The following EPHB1 variants were observed in gnomAD, a reference collection of about 807,000 sequenced individuals.
The protein encoded by EPHB1 is EPH receptor B1.
Under a neutral mutation model 94.4 loss-of-function variants are expected in EPHB1, and 30 were observed. The ratio of observed to expected loss-of-function variants is 0.32; its 90% CI spans 0.24 to 0.43. EPHB1 has a LOEUF of 0.43. Ranked by LOEUF, EPHB1 falls within the 20% of genes least tolerant of loss-of-function variation. The pLI, the probability that EPHB1 is intolerant of heterozygous loss-of-function variation, is 1.00. For missense variants in EPHB1, 1,055 were observed against 1,308.3 expected (o/e 0.81, Z 2.99); for synonymous variants, 522 against 489.1 (o/e 1.07, Z -0.89).
intron 3 of EPHB1, among the ~76,000 whole-genome samples, chr3:135,061,598 CT>C (rs199848672): frequency 0.038 from 5,666 of 148,546 alleles, 158 homozygotes; most frequent in East Asian, 0.14. Context: ...AGCACAGTTT[CT>C]TTTTTTTTTA....
rs528281341 is a variant in EPHB1 at position 134,838,282 on chromosome 3, T to C, written c.58+42593T>C. Reference sequence around the variant, plus strand: ...GGGGGCCCTAAGAGATAATTTAATCTGTCATCCTCTTCTGCAGGAGTAGAA... The same window carrying C: ...GGGGGCCCTAAGAGATAATTTAATCCGTCATCCTCTTCTGCAGGAGTAGAA... On this transcript the variant is annotated intron_variant, in intron 1 of 15. Coordinates refer to ENST00000398015, the MANE Select transcript of EPHB1 (RefSeq NM_004441.5). Among the ~76,000 whole-genome samples the C allele has an allele frequency of 4.6e-5, 7 of 152,330 alleles. No individual in the cohort carries two copies. The East Asian group carries it at 7.7e-4, about 17-fold the overall frequency.
At chr3:134,948,138 G>A (rs183724503) in intron 2 of EPHB1, among the ~76,000 whole-genome samples, 2 of 152,086 alleles carry the variant, frequency 1.3e-5, no homozygotes, top group South Asian at 2.1e-4. Context: ...CTGTCTCAGT[G>A]CTAAGGTGAA....
intron 4 of EPHB1, among the ~76,000 whole-genome samples, chr3:135,128,128 C>T (rs1055907051): frequency 6.6e-6 from 1 of 152,216 alleles, no homozygotes; most frequent in Non-Finnish European, 1.5e-5. Flanking sequence ...GGGGAGACCA[C>T]GGTGCTGAGC....
At position 135,120,373 on chromosome 3, in the gene EPHB1, ATATTT is replaced by A. The variant is rs200297378; in HGVS notation, c.962-12339_962-12335del. On this transcript the variant is annotated intron_variant, in intron 4 of 15. Coordinates refer to ENST00000398015, the MANE Select transcript of EPHB1 (RefSeq NM_004441.5). Reference sequence around the variant, plus strand: ...TATTGTGAATAAATAATTTTTTATTATATTTTCAAACAGGTTATGATTATTAACAG... The same window carrying A: ...TATTGTGAATAAATAATTTTTTATTATCAAACAGGTTATGATTATTAACAG... 7.8e-3 allele frequency among the ~76,000 whole-genome samples: 1,185 copies of A among 152,320 alleles called. 14 individuals carry two copies. The highest frequency in any genetic ancestry group is 0.027 in the African/African-American group (1,105 of 41,576).
At chr3:135,215,372 A>T (rs971283010) in intron 12 of EPHB1, among the ~76,000 whole-genome samples, 3 of 152,044 alleles carry the variant, frequency 2.0e-5, no homozygotes, top group Non-Finnish European at 4.4e-5. Context: ...CATGTTGGTC[A>T]GGCTGGTCTC....
intron 3 of EPHB1, among the ~76,000 whole-genome samples, chr3:134,978,654 G>A (rs1281182318): frequency 6.6e-6 from 1 of 152,218 alleles, no homozygotes; most frequent in African/African-American, 2.4e-5. Context: ...CCTGTCTGTA[G>A]TAGGCCTTGC....
At chr3:135,234,919 A>T (rs1439394609) in intron 12 of EPHB1, among the ~76,000 whole-genome samples, 1 of 152,204 alleles carries the variant, frequency 6.6e-6, no homozygotes, top group East Asian at 1.9e-4. Context: ...TTGGGTAGTA[A>T]CACAGCCAAA....
chr3:135,178,302 A>T (rs112406832), intron 9 of EPHB1, among the ~76,000 whole-genome samples: 6,330 of 151,730 alleles, frequency 0.042, 183 homozygotes, highest in South Asian at 0.08. Context: ...CTGGAAATAC[A>T]AAAATTAGCT....
chr3:134,982,572 G>A (rs776258045), intron 3 of EPHB1, among the ~76,000 whole-genome samples: 4 of 152,120 alleles, frequency 2.6e-5, no homozygotes, highest in African/African-American at 4.8e-5. Flanking sequence ...GCCTCAGCAC[G>A]TCTCATTACG....
At chr3:134,925,014 G>A (rs2038761593) in intron 1 of EPHB1, among the ~76,000 whole-genome samples, 2 of 152,200 alleles carry the variant, frequency 1.3e-5, no homozygotes, top group Admixed American at 1.3e-4. Context: ...TTTCACTGGT[G>A]TACATATATA....
At chr3:135,113,579 G>T (rs927950837) in intron 4 of EPHB1, among the ~76,000 whole-genome samples, 2 of 152,092 alleles carry the variant, frequency 1.3e-5, no homozygotes, top group Non-Finnish European at 2.9e-5. Context: ...ATGACAGCTC[G>T]TGTCTTGTGC....
At chr3:134,999,707 G>C (rs1245542030) in intron 3 of EPHB1, among the ~76,000 whole-genome samples, 1 of 152,188 alleles carries the variant, frequency 6.6e-6, no homozygotes, top group Non-Finnish European at 1.5e-5. Context: ...GCAGCTCCCA[G>C]GCCCAGGCTA....
intron 12 of EPHB1, among the ~76,000 whole-genome samples, chr3:135,208,920 G>C (rs1306708995): frequency 6.6e-6 from 1 of 152,148 alleles, no homozygotes; most frequent in Non-Finnish European, 1.5e-5. Flanking sequence ...CCTGGAGAGG[G>C]AAAATGTGAG....
intron 1 of EPHB1, among the ~76,000 whole-genome samples, chr3:134,864,210 T>G (rs755212161): frequency 4.6e-5 from 7 of 152,192 alleles, no homozygotes; most frequent in Non-Finnish European, 1.0e-4. Flanking sequence ...TGGGGTTCTA[T>G]TCACCTCCTT....
Position 134,949,362 on chromosome 3 carries a change from G to A in EPHB1, c.124-2009G>A, listed in dbSNP as rs118078853. On this transcript the variant is annotated intron_variant, in intron 2 of 15. Transcript: ENST00000398015. ...GACAGAAGGAGTGACCATGAGTGACGTCACTTTACAGACCTGGGCATGCAG... is the reference window on the plus strand; with the variant it reads ...GACAGAAGGAGTGACCATGAGTGACATCACTTTACAGACCTGGGCATGCAG... 3.8e-4 allele frequency among the ~76,000 whole-genome samples: 58 copies of A among 152,230 alleles called. 1 individual carries two copies. The East Asian group carries it at 8.5e-3, about 22-fold the overall frequency.
At chr3:135,213,643 T>C (rs1276004072) in intron 12 of EPHB1, among the ~76,000 whole-genome samples, 1 of 152,206 alleles carries the variant, frequency 6.6e-6, no homozygotes, top group Admixed American at 6.5e-5. Flanking sequence ...TCAGCTGACA[T>C]TGGTGGGCAG....
At position 134,895,366 on chromosome 3, in the gene EPHB1, CAG is replaced by C. The variant is rs1398970338; in HGVS notation, c.59-30449_59-30448del. 3.3e-5 allele frequency among the ~76,000 whole-genome samples: 5 copies of C among 152,288 alleles called. No homozygotes were observed. The East Asian group carries it at 9.6e-4, about 29-fold the overall frequency. ...CAGAGAGTCAGGATCCAGATGGACA[CAG>C]GGGTGGTCTTGGTGTCCTGTGCAGA... is the stretch of plus-strand genomic sequence containing the variant. On this transcript the variant is annotated intron_variant, in intron 1 of 15. Transcript: ENST00000398015.
chr3:134,919,025 T>A (rs910107288), intron 1 of EPHB1, among the ~76,000 whole-genome samples: 33 of 152,288 alleles, frequency 2.2e-4, no homozygotes, highest in Non-Finnish European at 3.8e-4. Flanking sequence ...AAACACCAGT[T>A]ACGAGGTGGT....
At chr3:135,207,596 A>T (rs1942932109) in intron 12 of EPHB1, among the ~76,000 whole-genome samples, 1 of 152,222 alleles carries the variant, frequency 6.6e-6, no homozygotes, top group African/African-American at 2.4e-5. Context: ...GCATAAAACA[A>T]TAAATAACAA....
Sources: gnomAD v4.1 joint callset for allele counts (sites outside exome capture counted in the v4.1 genomes callset) on GRCh38, gnomAD v4.1.1 for gene constraint, MANE v1.5 for transcripts, NCBI Gene and HGNC (gene_info 2026-07-23, HGNC 2026-07-21) for gene names.